The following P2RY12 variants were observed in gnomAD, a reference collection of about 807,000 sequenced individuals.
P2RY12 encodes the protein purinergic receptor P2Y12.
In P2RY12, 3 loss-of-function variants were observed where a neutral mutation model predicts 4.5. That is an observed-to-expected ratio of 0.67 (90% CI 0.31 to 1.74). The LOEUF (loss-of-function observed/expected upper bound fraction) is 1.74. Among genes scored for constraint, P2RY12 ranks in the 40% most tolerant of loss-of-function variants. P2RY12 has a pLI of 0.09. For synonymous variants in P2RY12, 148 were observed against 154.1 expected (o/e 0.96, Z 0.29); for missense variants, 356 against 407.8 (o/e 0.87, Z 1.09).
intron 1 of P2RY12, among the ~76,000 whole-genome samples, chr3:151,369,230 A>G (rs1376215957): frequency 6.6e-6 from 1 of 152,212 alleles, no homozygotes; most frequent in Admixed American, 6.5e-5. Flanking sequence ...CTGAGGAGGA[A>G]CGACATTGTT....
chr3:151,374,309 A>C (rs1284917743), intron 1 of P2RY12, among the ~76,000 whole-genome samples: 1 of 152,224 alleles, frequency 6.6e-6, no homozygotes, highest in East Asian at 1.9e-4. Context: ...GCACTTTGGG[A>C]GGCTGAGGCA....
chr3:151,372,580 T>G (rs749079299), intron 1 of P2RY12: 1 of 1,613,720 alleles, frequency 6.2e-7, no homozygotes, highest in South Asian at 1.1e-5. Flanking sequence ...ATGCCAAAAT[T>G]GGCAATAACA....
Position 151,383,330 on chromosome 3 carries a change from T to C in P2RY12, c.-180+1362A>G, listed in dbSNP as rs1399210345. ...TGGTAGGTGTGCGGGCCAAGCCTCC[T>C]GCCCACCACTGCTGTGATAGTGGAT... is the stretch of plus-strand genomic sequence containing the variant. On this transcript the variant is annotated intron_variant, in intron 1 of 2. Coordinates refer to ENST00000302632, the MANE Select transcript of P2RY12 (RefSeq NM_022788.5). Among the ~76,000 whole-genome samples, 7 of 152,250 alleles carry C rather than the reference T, an allele frequency of 4.6e-5. No homozygotes were observed. The East Asian group carries it at 1.3e-3, about 29-fold the overall frequency.
At chr3:151,345,663 A>G (rs551826649) in intron 1 of P2RY12, among the ~76,000 whole-genome samples, 62 of 151,562 alleles carry the variant, frequency 4.1e-4, no homozygotes, top group Non-Finnish European at 8.6e-4. Context: ...AATTATAGGC[A>G]CCTGCCACCA....
At chr3:151,363,256 A>T (rs960343860) in intron 1 of P2RY12, among the ~76,000 whole-genome samples, 3 of 152,182 alleles carry the variant, frequency 2.0e-5, no homozygotes, top group Non-Finnish European at 4.4e-5. Flanking sequence ...TCTTGAAGTC[A>T]GAGACCTATT....
intron 1 of P2RY12, among the ~76,000 whole-genome samples, chr3:151,376,446 A>G (rs1480125542): frequency 6.6e-6 from 1 of 152,326 alleles, no homozygotes; most frequent in East Asian, 1.9e-4. Context: ...TTGTATTTAC[A>G]TGAGAAATAT....
At chr3:151,341,873 T>C (rs1420108680) in intron 1 of P2RY12, among the ~76,000 whole-genome samples, 3 of 151,988 alleles carry the variant, frequency 2.0e-5, no homozygotes, top group African/African-American at 2.4e-5. Context: ...TGATGATTTC[T>C]AATTTCATCC....
chr3:151,357,484 T>C (rs1754071462), intron 1 of P2RY12: 5 of 982,672 alleles, frequency 5.1e-6, no homozygotes, highest in Admixed American at 3.0e-5. Context: ...CCTGTTTTAG[T>C]TAAAACATGG....
chr3:151,338,880 T>C (rs767835449), intron 2 of P2RY12, 21 bp from the exon 3 acceptor site: 2 of 1,603,804 alleles, frequency 1.2e-6, no homozygotes, highest in South Asian at 1.1e-5. Context: ...AAAGAGAGGA[T>C]GGTTATTTTC....
At chr3:151,377,606 A>T (rs1176447810) in intron 1 of P2RY12, among the ~76,000 whole-genome samples, 2 of 152,222 alleles carry the variant, frequency 1.3e-5, no homozygotes, top group African/African-American at 4.8e-5. Flanking sequence ...GTATTTCATC[A>T]TTTTGGTATA....
At chr3:151,345,517 CTTT>C (rs201731496) in intron 1 of P2RY12, among the ~76,000 whole-genome samples, 2 of 131,638 alleles carry the variant, frequency 1.5e-5, no homozygotes, top group Non-Finnish European at 3.3e-5. Flanking sequence ...TTTTCTTTTT[CTTT>C]TTTTTTTTTT....
chr3:151,350,295 T>C (rs1753061714), intron 1 of P2RY12: 1 of 1,287,212 alleles, frequency 7.8e-7, no homozygotes, highest in Non-Finnish European at 1.1e-6. Context: ...TATGTCACTG[T>C]CAACAGAGCG....
At chr3:151,373,643 CCT>C (rs781503390) in intron 1 of P2RY12, among the ~76,000 whole-genome samples, 6 of 152,054 alleles carry the variant, frequency 3.9e-5, no homozygotes, top group African/African-American at 9.7e-5. Flanking sequence ...CCTCCTCTCC[CCT>C]GTTTATTTAT....
Position 151,337,519 on chromosome 3 carries a change from T to G in P2RY12, c.*298A>C. 9.5e-6 allele frequency: 3 copies of G among 315,712 alleles called. No individual in the cohort carries two copies. In the South Asian group the frequency reaches 1.4e-4, roughly 15 times the overall value. 19.6% of individuals were successfully genotyped at this position (315,712 alleles called of 1,614,324 possible). On this transcript the variant is annotated 3_prime_UTR_variant, in exon 3 of 3. Transcript: ENST00000302632. The stretch of plus-strand genomic sequence containing the variant: ...AAAATTACAGTAAATATTATATGAT[T>G]ACTCATTTTGGCAAAACTCTGCAAA...
At chr3:151,357,363 C>G in intron 1 of P2RY12, 2 of 1,608,830 alleles carry the variant, frequency 1.2e-6, no homozygotes, top group Non-Finnish European at 1.7e-6. Flanking sequence ...TCAGACAGCC[C>G]AGGTGTTTGA....
At chr3:151,368,341 CCTT>C (rs1755541047) in intron 1 of P2RY12, 17 of 1,158,110 alleles carry the variant, frequency 1.5e-5, no homozygotes, top group Non-Finnish European at 1.9e-5. Flanking sequence ...TCTGTAATTG[CCTT>C]CTTAATTTTT....
intron 1 of P2RY12, among the ~76,000 whole-genome samples, chr3:151,347,528 C>G (rs1001355060): frequency 5.9e-5 from 9 of 152,080 alleles, no homozygotes; most frequent in Non-Finnish European, 1.0e-4. Flanking sequence ...ACTGGAGTGA[C>G]AGAGTGAGGG....
chr3:151,341,126 A>G (rs575579072), intron 1 of P2RY12, among the ~76,000 whole-genome samples: 1 of 152,276 alleles, frequency 6.6e-6, no homozygotes, highest in East Asian at 1.9e-4. Context: ...TGTGTACAAC[A>G]CTGGGTGATG....
chr3:151,353,924 G>A (rs559858826), intron 1 of P2RY12, among the ~76,000 whole-genome samples: 15 of 151,848 alleles, frequency 9.9e-5, no homozygotes, highest in African/African-American at 3.4e-4. Flanking sequence ...GGCGGATCAC[G>A]AGGTCAGGAG....
Sources: gnomAD v4.1 joint callset for allele counts (sites outside exome capture counted in the v4.1 genomes callset) on GRCh38, gnomAD v4.1.1 for gene constraint, MANE v1.5 for transcripts, NCBI Gene and HGNC (gene_info 2026-07-23, HGNC 2026-07-21) for gene names.